BRWD3: variants seen among roughly 807,000 people sequenced by gnomAD.
BRWD3 encodes the protein bromodomain and WD repeat-containing protein 3.
Under a neutral mutation model 149.7 loss-of-function variants are expected in BRWD3, and 10 were observed. That is an observed-to-expected ratio of 0.07 (90% CI 0.04 to 0.11). The LOEUF (loss-of-function observed/expected upper bound fraction) is 0.11. Ranked by LOEUF, BRWD3 falls within the 10% of genes least tolerant of loss-of-function variation. The pLI is 1.00. For synonymous variants in BRWD3, 504 were observed against 456.7 expected (o/e 1.10, Z -1.32); for missense variants, 940 against 1,373.2 (o/e 0.68, Z 4.99).
At chrX:80,688,262 TAGAG>T in intron 33 of BRWD3, 137 bp from the exon 34 acceptor site, 1 of 517,688 alleles carries the variant, frequency 1.9e-6, no homozygotes, top group Non-Finnish European at 3.4e-6. Context: ...GAACAAAAGA[TAGAG>T]GGAGACTCAC....
chrX:80,704,881 T>C (rs1458713110), intron 22 of BRWD3, 35 bp from the exon 23 acceptor site: 4 of 1,125,438 alleles, frequency 3.6e-6, no homozygotes, highest in South Asian at 1.8e-5. Flanking sequence ...TACCTAAGTA[T>C]AGAAAAGGAG....
At chrX:80,796,195 A>G (rs1212875629) in intron 4 of BRWD3, among the ~76,000 whole-genome samples, 3 of 107,452 alleles carry the variant, frequency 2.8e-5, no homozygotes, top group Non-Finnish European at 5.7e-5. Flanking sequence ...CAGTGGTGCG[A>G]TCTTGGCTCA....
At chrX:80,695,258 T>C (rs1170718554) in intron 27 of BRWD3, among the ~76,000 whole-genome samples, 7 of 111,861 alleles carry the variant, frequency 6.3e-5, no homozygotes, top group Non-Finnish European at 1.3e-4. Flanking sequence ...TTAAATGATT[T>C]TTTCTTTATA....
In BRWD3 at chrX:80,743,950, T is replaced by C. The variant is rs771697784; in HGVS notation, c.813+82A>G. The C allele has an allele frequency of 4.2e-4, 344 of 821,733 alleles. 1 individual carries two copies. The African/African-American group carries it at 6.1e-3, about 15-fold the overall frequency. The allele number at this position is 821,733 out of a possible 1,213,427, so 67.7% of individuals were successfully genotyped here. A position where few individuals can be genotyped will look rare whatever the true frequency, so the allele number is the denominator to read the frequency against. On this transcript the variant is annotated intron_variant, in intron 8 of 40. Coordinates refer to ENST00000373275, the MANE Select transcript of BRWD3 (RefSeq NM_153252.5). ...TTTTCTCTTGTTATTCTTTGGGCTA[T>C]TATCTATACAATGTAACATGAAATC...
chrX:80,722,323 C>T (rs2073162555), intron 17 of BRWD3, among the ~76,000 whole-genome samples: 1 of 111,773 alleles, frequency 8.9e-6, no homozygotes, highest in Admixed American at 9.5e-5. Context: ...AGAAACAGGT[C>T]AATACATTAT....
rs2074255509 is a variant in BRWD3 at position 80,797,965 on chromosome X, A to C, written c.181-4193T>G. The stretch of plus-strand genomic sequence containing the variant: ...AAAAAATTAGCTGGGTCTGGTTGTA[A>C]GCGCCTGTAGTCCCAGCTCCTCGGG... On this transcript the variant is annotated intron_variant, in intron 4 of 40. Coordinates refer to ENST00000373275, the MANE Select transcript of BRWD3 (RefSeq NM_153252.5). 2.7e-5 allele frequency among the ~76,000 whole-genome samples: 3 copies of C among 110,091 alleles called. No individual in the cohort carries two copies. The South Asian group carries it at 1.2e-3, about 43-fold the overall frequency.
At position 80,670,583 on chromosome X, in the gene BRWD3, T is replaced by A. The variant is rs893201554; in HGVS notation, c.*6026A>T. ...GCACACACAACCATGCCCAGCTAAT[T>A]AAAAAAAAAATTGTTTTGTAGATAC... On this transcript the variant is annotated 3_prime_UTR_variant, in exon 41 of 41. Coordinates refer to ENST00000373275, the MANE Select transcript of BRWD3 (RefSeq NM_153252.5). Among the ~76,000 whole-genome samples the A allele has an allele frequency of 9.3e-6, 1 of 107,264 alleles. No homozygotes were observed. Among genetic ancestry groups the A allele is most frequent in the Admixed American group, 1.0e-4 (1 of 9,986 alleles). The allele number at this position is 107,264 out of a possible 115,157, so 93.1% of individuals were successfully genotyped here.
chrX:80,760,150 GTT>G (rs2073788006), intron 6 of BRWD3, among the ~76,000 whole-genome samples: 1 of 111,634 alleles, frequency 9.0e-6, no homozygotes, highest in African/African-American at 3.3e-5. Context: ...AACCCTTAAT[GTT>G]TTCTCTTGTG....
At chrX:80,726,993 A>G (rs951061610) in intron 14 of BRWD3, among the ~76,000 whole-genome samples, 2 of 92,506 alleles carry the variant, frequency 2.2e-5, no homozygotes, top group Non-Finnish European at 4.0e-5. Flanking sequence ...TACATTAGGG[A>G]AAAAAAAAAA....
intron 20 of BRWD3, among the ~76,000 whole-genome samples, chrX:80,712,717 C>T (rs1389962646): frequency 1.9e-5 from 2 of 105,968 alleles, no homozygotes; most frequent in Non-Finnish European, 3.9e-5. Flanking sequence ...CGCCTCTTCC[C>T]GGCCGCCCAT....
chrX:80,808,182 T>C (rs1204192348), intron 4 of BRWD3, among the ~76,000 whole-genome samples: 1 of 107,147 alleles, frequency 9.3e-6, no homozygotes, highest in African/African-American at 3.4e-5. Flanking sequence ...ACCAACGCTG[T>C]CATTGGCCAG....
Position 80,676,613 on chromosome X carries a change from T to A in BRWD3, c.5405A>T (p.Tyr1802Phe). Residue 1802 changes from tyrosine (Y) to phenylalanine (F), a missense_variant, in exon 41 of 41, where the codon TAT becomes TTT. This residue lies in a region of BRWD3 where 16 missense variants were observed against 42.0 expected (regional missense o/e 0.38). Transcript: ENST00000373275. ...ARVSHLMGWNY is the reference protein window; with the variant it reads ...ARVSHLMGWNF ...TTATTCTAAATTTATTAACTGTTAA[T>A]AATTCCATCCCATGAGATGGCTAAC... 2 of 1,210,623 alleles carry A rather than the reference T, an allele frequency of 1.7e-6. No individual in the cohort carries two copies. The highest frequency in any genetic ancestry group is 2.2e-6 in the Non-Finnish European group (2 of 894,841).
chrX:80,800,439 C>T (rs1569292643), intron 4 of BRWD3, among the ~76,000 whole-genome samples: 1 of 104,983 alleles, frequency 9.5e-6, no homozygotes, highest in Admixed American at 1.1e-4. Flanking sequence ...CTATCAGAGG[C>T]TGAGGTGGGA....
chrX:80,737,215 A>T (rs1326593824), intron 8 of BRWD3, among the ~76,000 whole-genome samples: 1 of 111,306 alleles, frequency 9.0e-6, no homozygotes, highest in African/African-American at 3.3e-5. Flanking sequence ...TCCCATGGAT[A>T]CTAAAATCAG....
chrX:80,757,683 T>C (rs956426817), intron 6 of BRWD3, among the ~76,000 whole-genome samples: 4 of 112,373 alleles, frequency 3.6e-5, no homozygotes, highest in Non-Finnish European at 7.5e-5. Flanking sequence ...AATTGTTCTC[T>C]AACAAAAGAC....
chrX:80,802,373 C>T (rs1377300035), intron 4 of BRWD3, among the ~76,000 whole-genome samples: 6 of 93,795 alleles, frequency 6.4e-5, no homozygotes, highest in African/African-American at 1.2e-4. Context: ...ACCTGGGAGG[C>T]GGAGGTTGCA....
chrX:80,805,717 C>G (rs991838397), intron 4 of BRWD3, among the ~76,000 whole-genome samples: 2 of 111,880 alleles, frequency 1.8e-5, no homozygotes, highest in African/African-American at 6.5e-5. Context: ...TTACGAATCA[C>G]GAGGTCAAGA....
At chrX:80,775,589 C>T (rs1475579012) in intron 6 of BRWD3, among the ~76,000 whole-genome samples, 2 of 111,641 alleles carry the variant, frequency 1.8e-5, no homozygotes, top group Non-Finnish European at 1.9e-5. Context: ...AAATAGCTGA[C>T]AAGAGGTTCT....
At chrX:80,780,275 C>T (rs1297200042) in intron 6 of BRWD3, among the ~76,000 whole-genome samples, 1 of 110,133 alleles carries the variant, frequency 9.1e-6, no homozygotes, top group Non-Finnish European at 1.9e-5. Flanking sequence ...AAAGAAAAAT[C>T]TAAAGGAATA....
Sources: allele counts gnomAD v4.1 joint callset (sites outside exome capture counted in the v4.1 genomes callset), GRCh38; gene constraint gnomAD v4.1.1; regional missense constraint gnomAD v4.1.1; transcripts MANE v1.5; gene names NCBI Gene and HGNC (gene_info 2026-07-23, HGNC 2026-07-21).